Variants in DCPS observed in about 807,000 individuals in gnomAD.
DCPS encodes the protein decapping enzyme, scavenger, also known as m7GpppX diphosphatase.
In DCPS, 27 loss-of-function variants were observed where a neutral mutation model predicts 34.7. The observed-to-expected ratio is 0.78, with a 90% CI of 0.57 to 1.07. The LOEUF (loss-of-function observed/expected upper bound fraction) is 1.07, where lower values mean the gene tolerates loss of function less well. DCPS is among the 50% of genes least tolerant of loss of function. The probability of loss-of-function intolerance (pLI) is 0.00; values close to 1 mark genes in which losing one functional copy is unlikely to be tolerated. For missense variants in DCPS, 464 were observed against 436.9 expected (o/e 1.06, Z -0.55); for synonymous variants, 185 against 185.7 (o/e 1.00, Z 0.03).
chr11:126,337,839 G>T lies in DCPS; in HGVS notation c.523-447G>T. ...GGCCCCTCCACAGAAGGAAACCGTG[G>T]TGCCCTCAGCCTCCTACCTCTCTTT... On this transcript the variant is annotated intron_variant, in intron 3 of 5. Coordinates refer to ENST00000263579, the MANE Select transcript of DCPS (RefSeq NM_014026.6). The surrounding 1 kb of genome is among the most constrained non-coding windows in gnomAD (Gnocchi z 5.3). 1 of 161,708 alleles carries T rather than the reference G, an allele frequency of 6.2e-6. No individual in the cohort carries two copies. Among genetic ancestry groups the T allele is most frequent in the Admixed American group, 5.9e-5 (1 of 17,040 alleles). The allele number at this position is 161,708 out of a possible 1,614,324, so 10.0% of individuals were successfully genotyped here. A position where few individuals can be genotyped will look rare whatever the true frequency, so the allele number is the denominator to read the frequency against.
chr11:126,343,360 A>G lies in DCPS; in HGVS notation c.690A>G (p.Leu230=), dbSNP rs1197085734. The G allele has an allele frequency of 6.2e-7, 1 of 1,613,986 alleles. No homozygotes were observed. The highest frequency in any genetic ancestry group is 8.5e-7 in the Non-Finnish European group (1 of 1,179,960). Residue 230 remains leucine, a synonymous_variant, in exon 5 of 6, where the codon CTA becomes CTG. Coordinates refer to ENST00000263579, the MANE Select transcript of DCPS (RefSeq NM_014026.6). ...AICHRRGIRS[L]RDLTPEHLPL... Reference sequence around the variant, plus strand: ...GCCATCGCCGGGGCATCAGATCCCTACGCGACCTTACTCCGGAGCACTTGC... The same window carrying G: ...GCCATCGCCGGGGCATCAGATCCCTGCGCGACCTTACTCCGGAGCACTTGC...
rs1201479325 is a variant in DCPS at position 126,336,872 on chromosome 11, T to C, written c.523-1414T>C. 1.3e-5 allele frequency: 2 copies of C among 152,210 alleles called. No individual in the cohort carries two copies. The highest frequency in any genetic ancestry group is 2.9e-5 in the Non-Finnish European group (2 of 68,106). The allele number at this position is 152,210 out of a possible 1,614,324, so 9.4% of individuals were successfully genotyped here. A position where few individuals can be genotyped will look rare whatever the true frequency, so the allele number is the denominator to read the frequency against. On this transcript the variant is annotated intron_variant, in intron 3 of 5. Transcript: ENST00000263579. This position sits in a 1 kb window ranked among gnomAD's most constrained non-coding sequence, Gnocchi z 6.3. ...TGTCTTTTGTTGTGAATGGACCACA[T>C]TGTGACCGGCCTGTGGGTCTTGTCA... is the stretch of plus-strand genomic sequence containing the variant.
At chr11:126,341,906 ACT>A (rs1455568494) in intron 4 of DCPS, 1 of 152,020 alleles carries the variant, frequency 6.6e-6, no homozygotes, top group African/African-American at 2.4e-5. Flanking sequence ...GATTCTTAGA[ACT>A]CTGGCAGGAA....
In DCPS at chr11:126,345,241, C is replaced by T; in HGVS notation, c.748-106C>T. The T allele has an allele frequency of 2.0e-6, 3 of 1,518,916 alleles. No homozygotes were observed. The highest frequency in any genetic ancestry group is 2.7e-6 in the Non-Finnish European group (3 of 1,123,934). 94.1% of individuals were successfully genotyped at this position (1,518,916 alleles called of 1,614,324 possible). On this transcript the variant is annotated intron_variant, in intron 5 of 5. Transcript: ENST00000263579. This position sits in a 1 kb window ranked among gnomAD's most constrained non-coding sequence, Gnocchi z 7.4. ...TGTTTGGAGGGTTTTTGTGAGCTGTCCCAGGCCAATCCAGGATTCAGATGG... is the reference window on the plus strand; with the variant it reads ...TGTTTGGAGGGTTTTTGTGAGCTGTTCCAGGCCAATCCAGGATTCAGATGG...
chr11:126,317,336 C>T (rs901634019), intron 2 of DCPS, among the ~76,000 whole-genome samples: 1 of 151,834 alleles, frequency 6.6e-6, no homozygotes. Flanking sequence ...GTTAATTTGA[C>T]AGTCATATTT....
Position 126,322,323 on chromosome 11 carries a change from G to A in DCPS, c.377-9082G>A, listed in dbSNP as rs372510646. 5.5e-4 allele frequency among the ~76,000 whole-genome samples: 84 copies of A among 152,178 alleles called. No individual in the cohort carries two copies. The highest frequency in any genetic ancestry group is 9.1e-4 in the Non-Finnish European group (62 of 68,002). On this transcript the variant is annotated intron_variant, in intron 2 of 5. Coordinates refer to ENST00000263579, the MANE Select transcript of DCPS (RefSeq NM_014026.6). This position sits in a 1 kb window ranked among gnomAD's most constrained non-coding sequence, Gnocchi z 4.2. The stretch of plus-strand genomic sequence containing the variant: ...TTGTCGCCCAGGCTGGAGTGCATTG[G>A]TGCCATCTTGGCTCACTGCAACCTC...
chr11:126,308,653 C>G (rs1163741180), intron 2 of DCPS, among the ~76,000 whole-genome samples: 4 of 152,114 alleles, frequency 2.6e-5, no homozygotes, highest in African/African-American at 9.7e-5. Context: ...TGGGGTGGCC[C>G]CCTGCATTGC....
intron 2 of DCPS, among the ~76,000 whole-genome samples, chr11:126,326,039 A>G (rs1026101589): frequency 6.6e-6 from 1 of 152,160 alleles, no homozygotes; most frequent in Non-Finnish European, 1.5e-5. Flanking sequence ...AATCGCTGAA[A>G]CCCAGGAGGC....
At position 126,328,135 on chromosome 11, in the gene DCPS, G is replaced by A. The variant is rs1951754421; in HGVS notation, c.377-3270G>A. On this transcript the variant is annotated intron_variant, in intron 2 of 5. Transcript: ENST00000263579. The surrounding 1 kb of genome is among the most constrained non-coding windows in gnomAD (Gnocchi z 6.6). ...GCCCATGGCTGACGCGAGTTAGTGG[G>A]TCAGTGGGGAGCCGGCGCGGCTGGA... 1.3e-5 allele frequency among the ~76,000 whole-genome samples: 2 copies of A among 152,244 alleles called. No homozygotes were observed. Among genetic ancestry groups the A allele is most frequent in the African/African-American group, 4.8e-5 (2 of 41,474 alleles).
chr11:126,315,337 A>C lies in DCPS; in HGVS notation c.376+8593A>C, dbSNP rs531063316. Among the ~76,000 whole-genome samples, 1 of 152,172 alleles carries C rather than the reference A, an allele frequency of 6.6e-6. No homozygotes were observed. Among genetic ancestry groups the C allele is most frequent in the South Asian group, 2.1e-4 (1 of 4,822 alleles). ...CACTTTGGGAGGCCGAGGCAGGTGGATCATTTGAGGTCAGGAGTTCGAGAC... is the reference window on the plus strand; with the variant it reads ...CACTTTGGGAGGCCGAGGCAGGTGGCTCATTTGAGGTCAGGAGTTCGAGAC... On this transcript the variant is annotated intron_variant, in intron 2 of 5. Transcript: ENST00000263579. The surrounding 1 kb of genome is among the most constrained non-coding windows in gnomAD (Gnocchi z 6.1).
rs2135323782 is a variant in DCPS at position 126,327,624 on chromosome 11, A to G, written c.377-3781A>G. ...GCTGCAGGTCAACATCTTGACGGGC[A>G]TTGAGGTAAACACCAGCGTTCATTG... On this transcript the variant is annotated intron_variant, in intron 2 of 5. Transcript: ENST00000263579. This position sits in a 1 kb window ranked among gnomAD's most constrained non-coding sequence, Gnocchi z 4.1. Among the ~76,000 whole-genome samples the G allele has an allele frequency of 6.6e-6, 1 of 151,712 alleles. No individual in the cohort carries two copies. The highest frequency in any genetic ancestry group is 1.9e-4 in the East Asian group (1 of 5,162).
chr11:126,326,910 G>A (rs1277770659), intron 2 of DCPS, among the ~76,000 whole-genome samples: 13 of 148,222 alleles, frequency 8.8e-5, no homozygotes, highest in Admixed American at 6.7e-4. Context: ...GCGACAGAGC[G>A]AGACTCTGTC....
chr11:126,305,731 T>C (rs1488485221), intron 1 of DCPS, among the ~76,000 whole-genome samples: 2 of 151,994 alleles, frequency 1.3e-5, no homozygotes, highest in Non-Finnish European at 2.9e-5. Context: ...TTGTTTTTTG[T>C]TGTTTTTTGT....
rs1310695113 is a variant in DCPS at position 126,320,365 on chromosome 11, A to G, written c.377-11040A>G. ...ACGTGGCAACAAACAGCAAAGATTGAAAGTAAAGCATCATAAGGGAGACAG... is the reference window on the plus strand; with the variant it reads ...ACGTGGCAACAAACAGCAAAGATTGGAAGTAAAGCATCATAAGGGAGACAG... On this transcript the variant is annotated intron_variant, in intron 2 of 5. Coordinates refer to ENST00000263579, the MANE Select transcript of DCPS (RefSeq NM_014026.6). This position sits in a 1 kb window ranked among gnomAD's most constrained non-coding sequence, Gnocchi z 4.7. Among the ~76,000 whole-genome samples, 3 of 152,204 alleles carry G rather than the reference A, an allele frequency of 2.0e-5. No homozygotes were observed. The highest frequency in any genetic ancestry group is 4.4e-5 in the Non-Finnish European group (3 of 68,042).
In DCPS at chr11:126,338,241, G is replaced by T. The variant is rs184970182; in HGVS notation, c.523-45G>T. On this transcript the variant is annotated intron_variant, in intron 3 of 5. Transcript: ENST00000263579. This position sits in a 1 kb window ranked among gnomAD's most constrained non-coding sequence, Gnocchi z 5.4. ...GCTCAGTTTGGGGTATCTCTCAAGG[G>T]GTGATGAGTGGATTTGTGAACCATC... 4 of 1,580,888 alleles carry T rather than the reference G, an allele frequency of 2.5e-6. No homozygotes were observed. Among genetic ancestry groups the T allele is most frequent in the South Asian group, 2.2e-5 (2 of 90,054 alleles).
chr11:126,338,350 C>T lies in DCPS; in HGVS notation c.587C>T (p.Pro196Leu), dbSNP rs755320332. Residue 196 changes from proline (P) to leucine (L), a missense_variant, in exon 4 of 6, where the codon CCC becomes CTC. Physicochemically the swap from Pro to Leu is moderately conservative, Grantham distance 98 (BLOSUM62 -3). Coordinates refer to ENST00000263579, the MANE Select transcript of DCPS (RefSeq NM_014026.6). The surrounding 1 kb of genome is among the most constrained non-coding windows in gnomAD (Gnocchi z 5.4). ...ADRIVFENPD[P>L]SDGFVLIPDL... ...CGGATTGTTTTCGAGAACCCAGATC[C>T]CTCTGATGGTTTTGTCCTCATCCCT... 4.3e-6 allele frequency: 7 copies of T among 1,614,168 alleles called. No individual in the cohort carries two copies. The Admixed American group carries it at 1.2e-4, about 27-fold the overall frequency.
chr11:126,345,782 C>A lies in DCPS; in HGVS notation c.*169C>A. Reference sequence around the variant, plus strand: ...TGGACAGCGTGGCCTGGGAGGCAGACAGATGGTGGGGGACAGTGGGTGGGT... The same window carrying A: ...TGGACAGCGTGGCCTGGGAGGCAGAAAGATGGTGGGGGACAGTGGGTGGGT... On this transcript the variant is annotated 3_prime_UTR_variant, in exon 6 of 6. Transcript: ENST00000263579. This position sits in a 1 kb window ranked among gnomAD's most constrained non-coding sequence, Gnocchi z 7.4. 9.9e-7 allele frequency: 1 copy of A among 1,006,330 alleles called. No individual in the cohort carries two copies. The highest frequency in any genetic ancestry group is 1.4e-6 in the Non-Finnish European group (1 of 704,490). The allele number at this position is 1,006,330 out of a possible 1,614,324, so 62.3% of individuals were successfully genotyped here.
Position 126,320,619 on chromosome 11 carries a change from G to A in DCPS, c.377-10786G>A, listed in dbSNP as rs570237443. ...AGAGTTTGAGACCATCCTGGGCAAC[G>A]TGGCAAAACCCCATATCTACAAAAA... On this transcript the variant is annotated intron_variant, in intron 2 of 5. Coordinates refer to ENST00000263579, the MANE Select transcript of DCPS (RefSeq NM_014026.6). This position sits in a 1 kb window ranked among gnomAD's most constrained non-coding sequence, Gnocchi z 4.7. Among the ~76,000 whole-genome samples, 199 of 152,168 alleles carry A rather than the reference G, an allele frequency of 1.3e-3. No homozygotes were observed. Among genetic ancestry groups the A allele is most frequent in the African/African-American group, 4.4e-3 (183 of 41,522 alleles).
At position 126,337,783 on chromosome 11, in the gene DCPS, G is replaced by A. The variant is rs7947528; in HGVS notation, c.523-503G>A. ...AACGTGCACACATGAGCTGCTAGAG[G>A]CAAAGGCTCTCACTGCTCTGGTGGG... On this transcript the variant is annotated intron_variant, in intron 3 of 5. Transcript: ENST00000263579. This position sits in a 1 kb window ranked among gnomAD's most constrained non-coding sequence, Gnocchi z 5.3. 15,457 of 156,728 alleles carry A rather than the reference G, an allele frequency of 0.099. 794 individuals are homozygous for A. Among genetic ancestry groups the A allele is most frequent in the South Asian group, 0.12 (621 of 5,378 alleles). 9.7% of individuals were successfully genotyped at this position (156,728 alleles called of 1,614,324 possible). A position where few individuals can be genotyped will look rare whatever the true frequency, so the allele number is the denominator to read the frequency against.
Sources: gnomAD v4.1 joint callset for allele counts (sites outside exome capture counted in the v4.1 genomes callset) on GRCh38, gnomAD v4.1.1 for gene constraint, Gnocchi (gnomAD v3.1) non-coding constraint, MANE v1.5 for transcripts, NCBI Gene and HGNC (gene_info 2026-07-23, HGNC 2026-07-21) for gene names.